The following HCN1 variants were observed in gnomAD, a reference collection of about 807,000 sequenced individuals.
The protein encoded by HCN1 is potassium/sodium hyperpolarization-activated cyclic nucleotide-gated channel 1.
In HCN1, 13 loss-of-function variants were observed where a neutral mutation model predicts 78.9. The ratio of observed to expected loss-of-function variants is 0.16; its 90% CI spans 0.11 to 0.26. The LOEUF is 0.26. Among genes scored for constraint, HCN1 ranks in the 10% least tolerant of loss-of-function variants. The pLI, the probability that HCN1 is intolerant of heterozygous loss-of-function variation, is 1.00. For synonymous variants in HCN1, 552 were observed against 455.5 expected, an observed-to-expected ratio of 1.21 and a Z score of -2.70; for missense variants, 810 against 1,154.3, an observed-to-expected ratio of 0.70 and a Z score of 4.32.
In HCN1 at chr5:45,591,784, A is replaced by C. The variant is rs1024396353; in HGVS notation, c.849+53401T>G. ...TTGTCTTTCACAGAGCAGAAGTTTT[A>C]AATTTTAATGAAGCCCAGGTTATCA... On this transcript the variant is annotated intron_variant, in intron 2 of 7. Coordinates refer to ENST00000303230, the MANE Select transcript of HCN1 (RefSeq NM_021072.4). 2.0e-5 allele frequency among the ~76,000 whole-genome samples: 3 copies of C among 152,154 alleles called. No individual in the cohort carries two copies. In the East Asian group the frequency reaches 5.8e-4, roughly 29 times the overall value.
chr5:45,505,430 C>T (rs1292838350), intron 2 of HCN1, among the ~76,000 whole-genome samples: 1 of 152,104 alleles, frequency 6.6e-6, no homozygotes, highest in African/African-American at 2.4e-5. Flanking sequence ...GGTATTATTT[C>T]TGAGGGCTCT....
At chr5:45,584,602 T>C (rs890742618) in intron 2 of HCN1, among the ~76,000 whole-genome samples, 2 of 152,224 alleles carry the variant, frequency 1.3e-5, no homozygotes, top group African/African-American at 4.8e-5. Flanking sequence ...TGCTCCTTAG[T>C]TGATGCAGTT....
intron 2 of HCN1, among the ~76,000 whole-genome samples, chr5:45,563,169 G>A (rs886589894): frequency 1.3e-5 from 2 of 152,064 alleles, no homozygotes; most frequent in African/African-American, 4.8e-5. Context: ...TATAGTGAAG[G>A]CCGGGTGCGG....
At chr5:45,324,437 C>A (rs1746195406) in intron 5 of HCN1, among the ~76,000 whole-genome samples, 1 of 152,008 alleles carries the variant, frequency 6.6e-6, no homozygotes, top group South Asian at 2.1e-4. Flanking sequence ...AAATGCAAAT[C>A]AAAACCACAA....
At chr5:45,490,814 C>T (rs1741865799) in intron 2 of HCN1, among the ~76,000 whole-genome samples, 1 of 151,918 alleles carries the variant, frequency 6.6e-6, no homozygotes, top group Admixed American at 6.6e-5. Flanking sequence ...TGTATAATTC[C>T]TCAATTTTTG....
intron 6 of HCN1, among the ~76,000 whole-genome samples, chr5:45,276,543 A>C (rs949671816): frequency 2.6e-5 from 4 of 152,124 alleles, no homozygotes; most frequent in African/African-American, 9.7e-5. Context: ...AAAAGTAAAC[A>C]AAAGGAATGG....
At position 45,649,412 on chromosome 5, in the gene HCN1, C is replaced by T. The variant is rs548684435; in HGVS notation, c.426-3804G>A. On this transcript the variant is annotated intron_variant, in intron 1 of 7. Coordinates refer to ENST00000303230, the MANE Select transcript of HCN1 (RefSeq NM_021072.4). ...AATTGTTACAAATGATGAACCTACA[C>T]TGACATCTCATTATCAACCAGAGCC... Among the ~76,000 whole-genome samples the T allele has an allele frequency of 1.2e-3, 181 of 152,178 alleles. 1 individual carries two copies. The highest frequency in any genetic ancestry group is 4.2e-3 in the African/African-American group (176 of 41,538).
At chr5:45,504,167 T>A (rs1330009982) in intron 2 of HCN1, among the ~76,000 whole-genome samples, 1 of 152,116 alleles carries the variant, frequency 6.6e-6, no homozygotes, top group African/African-American at 2.4e-5. Context: ...TTGTTACATA[T>A]GTATACATGT....
intron 2 of HCN1, among the ~76,000 whole-genome samples, chr5:45,546,761 C>T (rs1173877633): frequency 6.6e-6 from 1 of 151,742 alleles, no homozygotes; most frequent in Non-Finnish European, 1.5e-5. Flanking sequence ...TCTCTCAGAC[C>T]AGAAGACACC....
chr5:45,270,017 A>T (rs552960055), intron 6 of HCN1, among the ~76,000 whole-genome samples: 28 of 152,336 alleles, frequency 1.8e-4, no homozygotes, highest in Admixed American at 4.6e-4. Context: ...CATTAATGTC[A>T]TTATATTACA....
At chr5:45,658,991 T>G (rs1365014250) in intron 1 of HCN1, among the ~76,000 whole-genome samples, 18 of 149,846 alleles carry the variant, frequency 1.2e-4, no homozygotes, top group Admixed American at 1.0e-3. Flanking sequence ...AGGCTCCACC[T>G]CTGGGGGCAG....
At chr5:45,620,901 C>T (rs1206674585) in intron 2 of HCN1, among the ~76,000 whole-genome samples, 4 of 152,104 alleles carry the variant, frequency 2.6e-5, no homozygotes, top group Non-Finnish European at 5.9e-5. Context: ...CTCTTATGTG[C>T]CAGGCATCCT....
rs1044270892 is a variant in HCN1 at position 45,434,188 on chromosome 5, G to T, written c.1011+27658C>A. Among the ~76,000 whole-genome samples the T allele has an allele frequency of 8.5e-5, 13 of 152,180 alleles. 1 individual carries two copies. The highest frequency in any genetic ancestry group is 3.1e-4 in the African/African-American group (13 of 41,458). ...TGAAGAATTTATAGACTTAATATCT[G>T]AGTCTTCTGATGCAACCTATTTTCT... On this transcript the variant is annotated intron_variant, in intron 3 of 7. Transcript: ENST00000303230.
Position 45,262,617 on chromosome 5 carries a change from G to T in HCN1, c.1977C>A (p.Arg659=). The T allele has an allele frequency of 6.2e-7, 1 of 1,613,936 alleles. No homozygotes were observed. The highest frequency in any genetic ancestry group is 8.5e-7 in the Non-Finnish European group (1 of 1,179,992). Reference sequence around the variant, plus strand: ...ACACCGGTGGAGATTGTGTCCTCATGCGGGAGGTCGGGGTCGTAGTAGACG... The same window carrying T: ...ACACCGGTGGAGATTGTGTCCTCATTCGGGAGGTCGGGGTCGTAGTAGACG... The part of the protein sequence containing the change: ...STSSTTTPTS[R]MRTQSPPVYT... The change falls in exon 8 of 8, where the codon CGC becomes CGA. Residue 659 remains arginine (R), a synonymous_variant. Transcript: ENST00000303230.
intron 5 of HCN1, among the ~76,000 whole-genome samples, chr5:45,352,742 G>T (rs746559988): frequency 2.6e-5 from 4 of 151,860 alleles, no homozygotes; most frequent in Non-Finnish European, 5.9e-5. Context: ...GGGTCCATGA[G>T]ATGATCCAGG....
intron 1 of HCN1, among the ~76,000 whole-genome samples, chr5:45,669,099 T>A (rs778198167): frequency 6.6e-6 from 1 of 151,866 alleles, no homozygotes; most frequent in Non-Finnish European, 1.5e-5. Flanking sequence ...CCAGAAAAGT[T>A]CCAATAGTTT....
chr5:45,437,207 G>C (rs1740575181), intron 3 of HCN1, among the ~76,000 whole-genome samples: 1 of 152,094 alleles, frequency 6.6e-6, no homozygotes, highest in Non-Finnish European at 1.5e-5. Flanking sequence ...ATTTTAGAAA[G>C]AATGAATGAA....
chr5:45,347,250 C>T (rs1026990853), intron 5 of HCN1, among the ~76,000 whole-genome samples: 8 of 152,184 alleles, frequency 5.3e-5, no homozygotes, highest in Non-Finnish European at 1.2e-4. Flanking sequence ...GATACCCAGG[C>T]AAACAAGGTC....
At chr5:45,604,845 A>G (rs1330652898) in intron 2 of HCN1, among the ~76,000 whole-genome samples, 1 of 152,078 alleles carries the variant, frequency 6.6e-6, no homozygotes, top group Non-Finnish European at 1.5e-5. Flanking sequence ...ATGGCTTTAT[A>G]GTTATAAAGT....
Sources: gnomAD v4.1 joint callset for allele counts (sites outside exome capture counted in the v4.1 genomes callset) on GRCh38, gnomAD v4.1.1 for gene constraint, MANE v1.5 for transcripts, NCBI Gene and HGNC (gene_info 2026-07-23, HGNC 2026-07-21) for gene names.